Variants in BEND7 observed in about 807,000 individuals in gnomAD.
BEND7 encodes the protein BEN domain-containing protein 7.
In BEND7, 28 loss-of-function variants were observed where a neutral mutation model predicts 50.9. The observed-to-expected ratio is 0.55, with a 90% confidence interval of 0.41 to 0.75. The LOEUF is 0.75. BEND7 is among the 30% of genes least tolerant of loss of function. BEND7 has a pLI of 0.00. For missense variants in BEND7, 477 were observed against 491.3 expected (o/e 0.97, Z 0.28); for synonymous variants, 170 against 183.9 (o/e 0.92, Z 0.61).
chr10:13,443,590 G>A (rs1835687405), intron 8 of BEND7: 1 of 152,240 alleles, frequency 6.6e-6, no homozygotes, highest in Non-Finnish European at 1.5e-5. Context: ...ATGAGCAATT[G>A]TAGAAATTGG....
Position 13,481,069 on chromosome 10 carries a change from T to G in BEND7, c.893A>C (p.Asp298Ala), listed in dbSNP as rs774393502. 1.1e-5 allele frequency: 18 copies of G among 1,613,860 alleles called. No individual in the cohort carries two copies. Residue 298 changes from aspartate (D) to alanine (A), a missense_variant, in exon 6 of 9, where the codon GAC (aspartate) becomes GCC (alanine). Physicochemically the swap from Asp to Ala is moderately radical, Grantham distance 126 (BLOSUM62 -2). Transcript: ENST00000466271. Reference sequence around the variant, plus strand: ...GCGAGTGTAGTTTGACAATATAGAGTCCAGCTGAGATTTAGGCATAAACAC... The same window carrying G: ...GCGAGTGTAGTTTGACAATATAGAGGCCAGCTGAGATTTAGGCATAAACAC... ...FDVFMPKSQLDSILSNYTRSG... is the reference protein window; with the variant it reads ...FDVFMPKSQLASILSNYTRSG...
At chr10:13,487,388 CTTTTTT>C (rs930230162) in intron 5 of BEND7, among the ~76,000 whole-genome samples, 17 of 122,812 alleles carry the variant, frequency 1.4e-4, no homozygotes, top group East Asian at 4.3e-4. Flanking sequence ...CTTTTCTTTT[CTTTTTT>C]TTTTTTTTTT....
chr10:13,454,502 T>C (rs1350181440), intron 6 of BEND7, among the ~76,000 whole-genome samples: 1 of 152,028 alleles, frequency 6.6e-6, no homozygotes, highest in Non-Finnish European at 1.5e-5. Flanking sequence ...AGCCTGTGGT[T>C]CCAGCTACTC....
chr10:13,439,798 G>C (rs1279171301), downstream of BEND7, among the ~76,000 whole-genome samples: 1 of 152,210 alleles, frequency 6.6e-6, no homozygotes, highest in Non-Finnish European at 1.5e-5. Context: ...ATCGACCTAA[G>C]ATAGGACTCC....
chr10:13,463,767 A>AT (rs2073954949), intron 6 of BEND7, among the ~76,000 whole-genome samples: 1 of 152,266 alleles, frequency 6.6e-6, no homozygotes, highest in African/African-American at 2.4e-5. Flanking sequence ...GATAAAAGAC[A>AT]TTGTAGGCAA....
Position 13,448,239 on chromosome 10 carries a change from T to C in BEND7, c.1184-923A>G, listed in dbSNP as rs530491551. On this transcript the variant is annotated intron_variant, in intron 7 of 8. Transcript: ENST00000466271. Reference sequence around the variant, plus strand: ...TTACATGCGAAAAAAAAGGTGCACGTGTGTCTCTTGACAAGGGATGGGCTT... The same window carrying C: ...TTACATGCGAAAAAAAAGGTGCACGCGTGTCTCTTGACAAGGGATGGGCTT... 2.6e-5 allele frequency among the ~76,000 whole-genome samples: 4 copies of C among 152,244 alleles called. No individual in the cohort carries two copies. In the East Asian group the frequency reaches 7.7e-4, roughly 29 times the overall value.
intron 4 of BEND7, 119 bp downstream of exon 4, chr10:13,496,647 C>T (rs2077040311): frequency 8.3e-7 from 1 of 1,210,958 alleles, no homozygotes; most frequent in Non-Finnish European, 1.1e-6. Flanking sequence ...CTTGAAAAGG[C>T]ACAGCAAGAC....
intron 6 of BEND7, among the ~76,000 whole-genome samples, chr10:13,454,102 G>C (rs771234800): frequency 6.6e-6 from 1 of 152,196 alleles, no homozygotes; most frequent in Non-Finnish European, 1.5e-5. Context: ...CTAGTGACGC[G>C]TCTAGGGCCT....
At position 13,480,899 on chromosome 10, in the gene BEND7, C is replaced by T. The variant is rs1377401130; in HGVS notation, c.1063G>A (p.Val355Ile). ...ACAAAATGAAATGATGCAGACCAAC[C>T]TTTTATTGCACCCACAATATTTTGG... is the stretch of plus-strand genomic sequence containing the variant. ...LDQNIVGAIK[V>I]FTEKYCTANH... The change falls in exon 6 of 9, where the codon GTC (valine) becomes ATC (isoleucine). Residue 355 changes from valine to isoleucine, a missense_variant and splice_region_variant. By Grantham distance (29) the Val-to-Ile change is conservative. Around this residue, in one of 3 missense-constraint regions of BEND7, gnomAD observed 17 missense variants for 38.6 expected, o/e 0.44. Transcript: ENST00000466271. 1 of 1,614,136 alleles carries T rather than the reference C, an allele frequency of 6.2e-7. No homozygotes were observed. Among genetic ancestry groups the T allele is most frequent in the African/African-American group, 1.3e-5 (1 of 75,036 alleles).
intron 6 of BEND7, among the ~76,000 whole-genome samples, chr10:13,468,592 C>T (rs1358676830): frequency 2.0e-5 from 3 of 152,090 alleles, no homozygotes; most frequent in African/African-American, 4.8e-5. Context: ...TGTTAGGATA[C>T]ATTAGGAACT....
At chr10:13,515,811 C>T (rs1326029841) in intron 2 of BEND7, among the ~76,000 whole-genome samples, 2 of 152,216 alleles carry the variant, frequency 1.3e-5, no homozygotes, top group Non-Finnish European at 2.9e-5. Context: ...AAATTGCCTT[C>T]AGGATGACTG....
intron 2 of BEND7, among the ~76,000 whole-genome samples, chr10:13,508,895 G>A (rs567703711): frequency 5.3e-5 from 8 of 152,310 alleles, no homozygotes; most frequent in African/African-American, 7.2e-5. Context: ...TAAGCGGCAC[G>A]GCGGTCAACC....
chr10:13,480,841 T>TA, intron 6 of BEND7, 58 bp downstream of exon 6: 3 of 1,604,156 alleles, frequency 1.9e-6, no homozygotes, highest in Non-Finnish European at 1.7e-6. Context: ...GCTGCATCGT[T>TA]ACGGAATGAA....
chr10:13,458,995 A>G (rs981043730), intron 6 of BEND7, among the ~76,000 whole-genome samples: 4 of 152,268 alleles, frequency 2.6e-5, no homozygotes, highest in African/African-American at 9.6e-5. Context: ...ACAAAATCCA[A>G]GTATGGGCAG....
At chr10:13,487,858 C>T (rs887545054) in intron 5 of BEND7, among the ~76,000 whole-genome samples, 7 of 151,818 alleles carry the variant, frequency 4.6e-5, no homozygotes, top group Admixed American at 6.6e-5. Flanking sequence ...TTTGCGAGGA[C>T]GAGGCGGATG....
At chr10:13,520,183 T>C (rs1033445718) in intron 2 of BEND7, among the ~76,000 whole-genome samples, 2 of 152,072 alleles carry the variant, frequency 1.3e-5, no homozygotes, top group African/African-American at 4.8e-5. Context: ...TTTTCTCATA[T>C]AAAAGTAGAA....
chr10:13,488,738 T>C (rs1375457914), intron 5 of BEND7, among the ~76,000 whole-genome samples: 5 of 152,146 alleles, frequency 3.3e-5, no homozygotes, highest in East Asian at 1.9e-4. Context: ...CCGCCCGCCT[T>C]GGCCTCCCAA....
At chr10:13,519,457 C>A (rs1282130241) in intron 2 of BEND7, among the ~76,000 whole-genome samples, 2 of 148,588 alleles carry the variant, frequency 1.3e-5, no homozygotes, top group Admixed American at 6.7e-5. Context: ...GCCTGGGCAA[C>A]AGAGCGAGAC....
Position 13,491,437 on chromosome 10 carries a change from A to G in BEND7, c.837+1174T>C, listed in dbSNP as rs79057943. 9.7e-3 allele frequency among the ~76,000 whole-genome samples: 1,484 copies of G among 152,256 alleles called. 13 individuals carry two copies. Among genetic ancestry groups the G allele is most frequent in the African/African-American group, 0.032 (1,330 of 41,536 alleles). ...GGGTTTGACTCAGGGCCCTAGTTGC[A>G]ATAGCAATATGATATCATTGCATGA... On this transcript the variant is annotated intron_variant, in intron 5 of 8. Transcript: ENST00000466271.
Sources: allele counts gnomAD v4.1 joint callset (sites outside exome capture counted in the v4.1 genomes callset), GRCh38; gene constraint gnomAD v4.1.1; regional missense constraint gnomAD v4.1.1; transcripts MANE v1.5; gene names NCBI Gene and HGNC (gene_info 2026-07-23, HGNC 2026-07-21).